Variants in GLB1 observed in about 807,000 individuals in gnomAD.
The protein encoded by GLB1 is galactosidase beta 1.
GLB1 carries 56 observed loss-of-function variants against 74.0 expected under a neutral mutation model. The ratio of observed to expected loss-of-function variants is 0.76; its 90% CI spans 0.61 to 0.94. The LOEUF (loss-of-function observed/expected upper bound fraction) is 0.94, where lower values mean the gene tolerates loss of function less well. GLB1 is among the 40% of genes least tolerant of loss of function. The pLI is 0.00. For synonymous variants in GLB1, 323 were observed against 323.6 expected, an observed-to-expected ratio of 1.00 and a Z score of 0.02; for missense variants, 787 against 845.5, an observed-to-expected ratio of 0.93 and a Z score of 0.86.
intron 1 of GLB1, among the ~76,000 whole-genome samples, chr3:33,075,982 T>C (rs1200142829): frequency 1.3e-5 from 2 of 151,452 alleles, no homozygotes; most frequent in African/African-American, 4.9e-5. Flanking sequence ...GAGGCGGAGC[T>C]TGCAGTGAGC....
chr3:33,078,273 AGC>A (rs1304064665), intron 1 of GLB1, among the ~76,000 whole-genome samples: 18 of 152,200 alleles, frequency 1.2e-4, no homozygotes, highest in Non-Finnish European at 2.5e-4. Context: ...AAGGAATAAA[AGC>A]ATCTGAAAAC....
In GLB1 at chr3:33,062,360, G is replaced by A. The variant is rs13314904; in HGVS notation, c.552+3103C>T. Among the ~76,000 whole-genome samples the A allele has an allele frequency of 2.3e-3, 346 of 152,204 alleles. 2 individuals are homozygous for A. The highest frequency in any genetic ancestry group is 8.0e-3 in the African/African-American group (332 of 41,520). On this transcript the variant is annotated intron_variant, in intron 5 of 15. Transcript: ENST00000307363. ...TTTTTAAATTTTTTGTAGAGATGGA[G>A]TTTCACTATGTTGCCCAGGCTGGTC...
At chr3:33,078,936 T>C (rs992457864) in intron 1 of GLB1, among the ~76,000 whole-genome samples, 15 of 152,124 alleles carry the variant, frequency 9.9e-5, no homozygotes, top group African/African-American at 3.6e-4. Context: ...CTTGAACTCC[T>C]GGGTTCAAGC....
Position 33,093,710 on chromosome 3 carries a change from G to A in GLB1, c.75+3301C>T, listed in dbSNP as rs778210727. On this transcript the variant is annotated intron_variant, in intron 1 of 15. Coordinates refer to ENST00000307363, the MANE Select transcript of GLB1 (RefSeq NM_000404.4). This position sits in a 1 kb window ranked among gnomAD's most constrained non-coding sequence, Gnocchi z 6.0. Reference sequence around the variant, plus strand: ...CCACTGCCAGGGCAGGCCTGAGCACGAGCTTCCTTGTCTTCTCAAGGCTGC... The same window carrying A: ...CCACTGCCAGGGCAGGCCTGAGCACAAGCTTCCTTGTCTTCTCAAGGCTGC... 1.4e-5 allele frequency: 23 copies of A among 1,613,998 alleles called. No homozygotes were observed. The highest frequency in any genetic ancestry group is 5.5e-5 in the South Asian group (5 of 91,084).
At chr3:32,997,858 C>T (rs1028789143) in intron 15 of GLB1, among the ~76,000 whole-genome samples, 1 of 152,188 alleles carries the variant, frequency 6.6e-6, no homozygotes, top group Non-Finnish European at 1.5e-5. Flanking sequence ...CTGGTGAACA[C>T]AGGGAACAGA....
chr3:32,994,938 A>T (rs1177722585), downstream of GLB1, among the ~76,000 whole-genome samples: 1 of 134,016 alleles, frequency 7.5e-6, no homozygotes, highest in Admixed American at 7.7e-5. Context: ...AAAAAAAAAA[A>T]AAAAGATTCT....
Position 33,093,083 on chromosome 3 carries a change from G to C in GLB1, c.75+3928C>G, listed in dbSNP as rs755023362. The C allele has an allele frequency of 6.2e-7, 1 of 1,614,218 alleles. No homozygotes were observed. Among genetic ancestry groups the C allele is most frequent in the South Asian group, 1.1e-5 (1 of 91,086 alleles). On this transcript the variant is annotated intron_variant, in intron 1 of 15. Transcript: ENST00000307363. The surrounding 1 kb of genome is among the most constrained non-coding windows in gnomAD (Gnocchi z 6.0). ...CCTGGAGAGCTCTCTTGGCAGCCAGGGGCTGGTGAGCTAGCAAGATGATTG... is the reference window on the plus strand; with the variant it reads ...CCTGGAGAGCTCTCTTGGCAGCCAGCGGCTGGTGAGCTAGCAAGATGATTG...
chr3:32,974,150 G>A, the GLB1 span, among the ~76,000 whole-genome samples: 3 of 152,128 alleles, frequency 2.0e-5, no homozygotes, highest in Non-Finnish European at 4.4e-5. Context: ...TGTGGTATGC[G>A]CAAACCATTA....
intron 10 of GLB1, among the ~76,000 whole-genome samples, chr3:33,042,926 T>C (rs1316280983): frequency 6.6e-6 from 1 of 152,230 alleles, no homozygotes; most frequent in Non-Finnish European, 1.5e-5. Context: ...TGAATGTTTG[T>C]TAAATCATTT....
the GLB1 span, among the ~76,000 whole-genome samples, chr3:32,990,825 T>A: frequency 6.6e-6 from 1 of 151,872 alleles, no homozygotes; most frequent in Non-Finnish European, 1.5e-5. Flanking sequence ...ATACAAAAAA[T>A]TAGCTGGGCG....
intron 5 of GLB1, among the ~76,000 whole-genome samples, chr3:33,063,108 C>A (rs1183535692): frequency 6.6e-6 from 1 of 151,832 alleles, no homozygotes; most frequent in African/African-American, 2.4e-5. Flanking sequence ...AGGAACTGTG[C>A]GTCAGAAGGT....
intron 10 of GLB1, among the ~76,000 whole-genome samples, chr3:33,035,637 A>T (rs747838031): frequency 1.3e-5 from 2 of 152,144 alleles, no homozygotes; most frequent in Non-Finnish European, 2.9e-5. Flanking sequence ...ATACAATTAG[A>T]AGTCAGTGCT....
rs1553612598 is a variant in GLB1 at position 33,072,696 on chromosome 3, C to T, written c.93G>A (p.Met31Ile). The T allele has an allele frequency of 6.2e-7, 1 of 1,614,166 alleles. No homozygotes were observed. Among genetic ancestry groups the T allele is most frequent in the Non-Finnish European group, 8.5e-7 (1 of 1,180,034 alleles). The change falls in exon 2 of 16, where the codon ATG becomes ATA. Residue 31 changes from methionine (M) to isoleucine (I), a missense_variant. By Grantham distance (10) the Met-to-Ile change is conservative (BLOSUM62 1). Coordinates refer to ENST00000307363, the MANE Select transcript of GLB1 (RefSeq NM_000404.4). The stretch of plus-strand genomic sequence containing the variant: ...AGTCCCGGCTATAGTCAATTTCAAA[C>T]ATCCTCTGGGTGGCATTCTACAGAG... The part of the protein sequence containing the change: ...TRGLRNATQR[M>I]FEIDYSRDSF...
intron 5 of GLB1, among the ~76,000 whole-genome samples, chr3:33,063,959 C>T (rs1190278339): frequency 1.3e-5 from 2 of 152,042 alleles, no homozygotes; most frequent in East Asian, 1.9e-4. Context: ...CTCTGTCCAC[C>T]GACACCTGAA....
At chr3:33,059,367 G>C (rs985166531) in intron 5 of GLB1, among the ~76,000 whole-genome samples, 1 of 151,668 alleles carries the variant, frequency 6.6e-6, no homozygotes, top group Admixed American at 6.6e-5. Flanking sequence ...TAGAAAAAAA[G>C]TTTAAAAGGG....
intron 15 of GLB1, among the ~76,000 whole-genome samples, chr3:33,013,818 G>A (rs1476251803): frequency 6.6e-6 from 1 of 152,148 alleles, no homozygotes; most frequent in East Asian, 1.9e-4. Context: ...TCTTGGAGGA[G>A]GCAGGATGGT....
At chr3:33,009,592 CAG>C (rs982434205) in intron 15 of GLB1, among the ~76,000 whole-genome samples, 1 of 152,092 alleles carries the variant, frequency 6.6e-6, no homozygotes, top group African/African-American at 2.4e-5. Flanking sequence ...AACATGCAGC[CAG>C]AGAGAGGATA....
In GLB1 at chr3:33,034,750, C is replaced by G. The variant is rs1057258843; in HGVS notation, c.1069-10425G>C. ...GGCAGTGGGTGTGTATCAGTGATGTCAACAAGGGCCAGGGCTCTGTGTCAG... is the reference window on the plus strand; with the variant it reads ...GGCAGTGGGTGTGTATCAGTGATGTGAACAAGGGCCAGGGCTCTGTGTCAG... On this transcript the variant is annotated intron_variant, in intron 10 of 15. Transcript: ENST00000307363. The G allele has an allele frequency of 7.0e-5, 47 of 674,124 alleles. No individual in the cohort carries two copies. In the Admixed American group the frequency reaches 7.9e-4, roughly 11 times the overall value. 41.8% of individuals were successfully genotyped at this position (674,124 alleles called of 1,614,324 possible).
In GLB1 at chr3:33,046,106, T is replaced by C. The variant is rs1054137878; in HGVS notation, c.1068+14A>G. 2 of 1,611,542 alleles carry C rather than the reference T, an allele frequency of 1.2e-6. No individual in the cohort carries two copies. The highest frequency in any genetic ancestry group is 4.5e-5 in the East Asian group (2 of 44,794). On this transcript the variant is annotated intron_variant, in intron 10 of 15. Coordinates refer to ENST00000307363, the MANE Select transcript of GLB1 (RefSeq NM_000404.4). Reference sequence around the variant, plus strand: ...TCCAAGATCAGCCCACCACAGCTCATACAAAGCACCCACCTTCTGGATGAT... The same window carrying C: ...TCCAAGATCAGCCCACCACAGCTCACACAAAGCACCCACCTTCTGGATGAT...
Sources: gnomAD v4.1 joint callset for allele counts (sites outside exome capture counted in the v4.1 genomes callset) on GRCh38, gnomAD v4.1.1 for gene constraint, Gnocchi (gnomAD v3.1) non-coding constraint, MANE v1.5 for transcripts, NCBI Gene and HGNC (gene_info 2026-07-23, HGNC 2026-07-21) for gene names.